Variants in LCTL observed in about 807,000 individuals in gnomAD.
LCTL encodes lactase-like protein.
Under a neutral mutation model 75.8 loss-of-function variants are expected in LCTL, and 76 were observed. The observed-to-expected ratio is 1.00, with a 90% CI of 0.83 to 1.21. The LOEUF is 1.21. Among genes scored for constraint, LCTL ranks in the 50% most tolerant of loss-of-function variants. LCTL has a pLI of 0.00. For missense variants in LCTL, 670 were observed against 712.4 expected (o/e 0.94, Z 0.68); for synonymous variants, 271 against 268.8 (o/e 1.01, Z -0.08).
intron 10 of LCTL, 67 bp from the exon 12 acceptor site, chr15:66,551,928 T>C (rs1895614957): frequency 6.6e-7 from 1 of 1,521,934 alleles, no homozygotes; most frequent in Non-Finnish European, 8.9e-7. Context: ...CTGAAGATAA[T>C]GTTAAAATGT....
In LCTL at chr15:66,558,042, A is replaced by G. The variant is rs1895785811; in HGVS notation, c.706-6T>C. On this transcript the variant is annotated splice_polypyrimidine_tract_variant and splice_region_variant and intron_variant, in intron 6 of 12. Transcript: ENST00000341509. ...TGCCAGGCTTTGGCGTGGGCCTGAA[A>G]GGGGAGCAGAAATTCATCGTAGGTA... The G allele has an allele frequency of 1.3e-6, 2 of 1,598,732 alleles. No homozygotes were observed. Among genetic ancestry groups the G allele is most frequent in the Non-Finnish European group, 8.5e-7 (1 of 1,169,682 alleles).
At chr15:66,552,695 T>G (rs1332028109) in intron 9 of LCTL, among the ~76,000 whole-genome samples, 7 of 143,440 alleles carry the variant, frequency 4.9e-5, no homozygotes, top group Admixed American at 6.9e-5. Flanking sequence ...AAAAACATTG[T>G]TGGAGGGGAC....
chr15:66,552,273 C>G (rs1895626596), intron 9 of LCTL, 104 bp from the exon 11 acceptor site: 1 of 882,938 alleles, frequency 1.1e-6, no homozygotes, highest in Non-Finnish European at 1.7e-6. Flanking sequence ...CTGCCACATT[C>G]TAATCAAGTG....
rs2140849729 is a variant in LCTL, at chr15:66,561,197, CTG to C, written c.597_598del (p.Phe199LeufsTer2). 1 of 1,614,242 alleles carries C rather than the reference CTG, an allele frequency of 6.2e-7. No homozygotes were observed. The highest frequency in any genetic ancestry group is 2.2e-5 in the East Asian group (1 of 44,890). ...AGGGGCCCTGCTTACCCGAGGATCA[CTG>C]AACGTGATCCAGTGCTTCACACGGT... is the stretch of plus-strand genomic sequence containing the variant. On this transcript the variant is annotated frameshift_variant, in exon 5 of 13. Transcript: ENST00000341509. LOFTEE classifies it high-confidence loss of function.
Position 66,565,097 on chromosome 15 carries a change from T to A in LCTL, c.118+151A>T, listed in dbSNP as rs1895990739. The A allele has an allele frequency of 4.6e-6, 3 of 651,890 alleles. No individual in the cohort carries two copies. In the East Asian group the frequency reaches 8.2e-5, roughly 18 times the overall value. 40.4% of individuals were successfully genotyped at this position (651,890 alleles called of 1,614,324 possible). ...ATTTTTAGTAACTTCAAAAAAAAAA[T>A]ATCTGTTAGGAGCTTTTAGAACAAC... On this transcript the variant is annotated intron_variant, in intron 1 of 12. Transcript: ENST00000341509.
At chr15:66,563,934 C>T (rs780938630) in exon 3 of LCTL, 9 of 1,614,010 alleles carry the variant, frequency 5.6e-6, no homozygotes, top group Non-Finnish European at 6.8e-6. Context: ...GGGCAGGAGC[C>T]GGGGCCAAGA....
exon 9 of LCTL, chr15:66,553,203 G>A (rs1392616861): frequency 1.9e-6 from 3 of 1,606,708 alleles, no homozygotes; most frequent in Admixed American, 3.4e-5. Flanking sequence ...TCTTCTCCTG[G>A]AGTGAGAACA....
chr15:66,564,958 C>G, intron 1 of LCTL, 119 bp from the exon 3 acceptor site: 2 of 893,526 alleles, frequency 2.2e-6, no homozygotes, highest in Non-Finnish European at 3.4e-6. Context: ...TGCCCCTGTC[C>G]CACTGGGGAC....
chr15:66,552,074 G>A, exon 10 of LCTL: 2 of 1,612,950 alleles, frequency 1.2e-6, no homozygotes, highest in Non-Finnish European at 1.7e-6. Flanking sequence ...ATCCTTTAAG[G>A]TATTGAATTC....
At chr15:66,559,695 G>A (rs897528337) in intron 6 of LCTL, among the ~76,000 whole-genome samples, 1 of 151,496 alleles carries the variant, frequency 6.6e-6, no homozygotes, top group Non-Finnish European at 1.5e-5. Flanking sequence ...GCGACAGAGC[G>A]AGAATCTGTC....
At chr15:66,556,017 A>G (rs1344789968) in intron 8 of LCTL, among the ~76,000 whole-genome samples, 1 of 152,198 alleles carries the variant, frequency 6.6e-6, no homozygotes, top group Non-Finnish European at 1.5e-5. Flanking sequence ...GTTGGCAAGG[A>G]TGTGGAGTAA....
At chr15:66,559,184 C>T (rs1895822051) in intron 6 of LCTL, among the ~76,000 whole-genome samples, 1 of 152,030 alleles carries the variant, frequency 6.6e-6, no homozygotes, top group Non-Finnish European at 1.5e-5. Context: ...ACACCTGGCT[C>T]AGTAATCATT....
At chr15:66,554,305 A>AG (rs1895691773) in intron 8 of LCTL, among the ~76,000 whole-genome samples, 1 of 150,616 alleles carries the variant, frequency 6.6e-6, no homozygotes, top group East Asian at 2.0e-4. Flanking sequence ...AAAAAAAAAA[A>AG]AAAAAGTAGC....
intron 4 of LCTL, among the ~76,000 whole-genome samples, chr15:66,562,599 T>A (rs1489114151): frequency 6.6e-6 from 1 of 152,040 alleles, no homozygotes; most frequent in Non-Finnish European, 1.5e-5. Flanking sequence ...TTTTTTTTTT[T>A]TTTAGACGGA....
At chr15:66,560,871 C>T (rs920787890) in intron 6 of LCTL, 135 bp downstream of exon 7, 8 of 709,464 alleles carry the variant, frequency 1.1e-5, no homozygotes, top group Admixed American at 5.4e-5. Flanking sequence ...CTCCATAAAT[C>T]GTCACAGAAG....
At chr15:66,565,731 G>A (rs541687694), upstream of LCTL, 20 of 210,012 alleles carry the variant, frequency 9.5e-5, 1 homozygote, top group Middle Eastern at 3.3e-3. Flanking sequence ...GGGCCCTTTG[G>A]CTCTCCCAAC....
In LCTL at chr15:66,561,132, C is replaced by T. The variant is rs780814854; in HGVS notation, c.610-31G>A. 16 of 1,614,134 alleles carry T rather than the reference C, an allele frequency of 9.9e-6. No homozygotes were observed. The South Asian group carries it at 1.6e-4, about 17-fold the overall frequency. On this transcript the variant is annotated intron_variant, in intron 5 of 12. Transcript: ENST00000341509. ...GGGACAGCAAGCAGGACCACAGGATCCATAAGAAGTGGCAGGGAGTGTCAC... is the reference window on the plus strand; with the variant it reads ...GGGACAGCAAGCAGGACCACAGGATTCATAAGAAGTGGCAGGGAGTGTCAC...
rs1468477622 is a variant in LCTL, at chr15:66,552,873, A to C, written c.1197+111T>G. The stretch of plus-strand genomic sequence containing the variant: ...ATTTAGTAGCCTCTGAAGTATGAGT[A>C]ACTAGGTTTATTTTGTTTTATTAAC... On this transcript the variant is annotated intron_variant, in intron 9 of 12. Transcript: ENST00000341509. The C allele has an allele frequency of 3.1e-6, 3 of 956,628 alleles. No homozygotes were observed. The East Asian group carries it at 8.5e-5, about 27-fold the overall frequency. The allele number at this position is 956,628 out of a possible 1,614,324, so 59.3% of individuals were successfully genotyped here. A position where few individuals can be genotyped will look rare whatever the true frequency, so the allele number is the denominator to read the frequency against.
intron 9 of LCTL, among the ~76,000 whole-genome samples, 193 bp from the exon 11 acceptor site, chr15:66,552,362 A>G (rs1474086552): frequency 6.6e-6 from 1 of 152,254 alleles, no homozygotes. Context: ...CTTATAAAGA[A>G]TGTATTTCTC....
Sources: allele counts gnomAD v4.1 joint callset (sites outside exome capture counted in the v4.1 genomes callset), GRCh38; gene constraint gnomAD v4.1.1; transcripts MANE v1.5; gene names NCBI Gene and HGNC (gene_info 2026-07-23, HGNC 2026-07-21).